The following ACACA variants were observed in gnomAD, a reference collection of about 807,000 sequenced individuals.
The protein encoded by ACACA is acetyl-CoA carboxylase 1.
ACACA carries 103 observed loss-of-function variants against 296.1 expected under a neutral mutation model. The observed-to-expected ratio is 0.35, with a 90% CI of 0.30 to 0.41. The LOEUF (loss-of-function observed/expected upper bound fraction) is 0.41, where lower values mean the gene tolerates loss of function less well. Among genes scored for constraint, ACACA ranks in the 10% least tolerant of loss-of-function variants. The pLI, the probability that ACACA is intolerant of heterozygous loss-of-function variation, is 1.00. For synonymous variants in ACACA, 953 were observed against 1,038.6 expected (o/e 0.92, Z 1.58); for missense variants, 1,554 against 2,989.7 (o/e 0.52, Z 11.20).
At chr17:37,167,270 CT>C (rs11387933) in intron 41 of ACACA, among the ~76,000 whole-genome samples, 27,439 of 105,338 alleles carry the variant, frequency 0.26, 2,723 homozygotes, top group African/African-American at 0.41. Flanking sequence ...ATGGTATTTT[CT>C]TTTTTTTTTT....
chr17:37,257,641 C>A (rs896071875), intron 14 of ACACA, 62 bp downstream of exon 14: 2 of 1,544,906 alleles, frequency 1.3e-6, no homozygotes, highest in Non-Finnish European at 1.8e-6. Context: ...CATGCTCACA[C>A]CTTCACTTAA....
chr17:37,127,862 A>C (rs890983642), intron 47 of ACACA, among the ~76,000 whole-genome samples: 1 of 149,890 alleles, frequency 6.7e-6, no homozygotes, highest in African/African-American at 2.5e-5. Context: ...AAAAAGAAAA[A>C]GAAAAAAAAA....
intron 3 of ACACA, among the ~76,000 whole-genome samples, chr17:37,296,779 C>A (rs1329774179): frequency 1.3e-5 from 2 of 152,092 alleles, no homozygotes; most frequent in East Asian, 3.9e-4. Context: ...TACAGTAGCA[C>A]AATGTCAGGT....
intron 52 of ACACA, among the ~76,000 whole-genome samples, chr17:37,103,722 AACACACACAC>A (rs3049593): frequency 7.5e-4 from 112 of 148,800 alleles, no homozygotes; most frequent in African/African-American, 2.5e-3. Context: ...CAAACACACA[AACACACACAC>A]ACACACACAC....
intron 45 of ACACA, among the ~76,000 whole-genome samples, chr17:37,135,019 G>T (rs1481986816): frequency 1.3e-5 from 2 of 152,086 alleles, no homozygotes; most frequent in African/African-American, 4.8e-5. Flanking sequence ...AAAAGGGAGG[G>T]GGAGAGAAAG....
chr17:37,161,149 G>C (rs1383063104), intron 42 of ACACA, among the ~76,000 whole-genome samples: 1 of 152,228 alleles, frequency 6.6e-6, no homozygotes, highest in African/African-American at 2.4e-5. Context: ...CAAAGAATGA[G>C]AGGGAGTGAC....
chr17:37,323,252 T>C (rs1267981716), intron 3 of ACACA, among the ~76,000 whole-genome samples: 2 of 152,248 alleles, frequency 1.3e-5, no homozygotes, highest in Non-Finnish European at 2.9e-5. Flanking sequence ...GACACATCCC[T>C]GTGGTACATC....
intron 11 of ACACA, among the ~76,000 whole-genome samples, chr17:37,260,249 CATATATATATATATATAT>C (rs1172232844): frequency 3.0e-4 from 9 of 30,500 alleles, no homozygotes; most frequent in Admixed American, 6.4e-4. Flanking sequence ...ACTCCCAAGT[CATATATATATATATATAT>C]ATATATATAT....
rs2072229645 is a variant in ACACA at position 37,086,736 on chromosome 17, T to C, written c.*580A>G. 6.3e-6 allele frequency: 1 copy of C among 157,690 alleles called. No individual in the cohort carries two copies. The highest frequency in any genetic ancestry group is 2.4e-5 in the African/African-American group (1 of 41,536). The allele number at this position is 157,690 out of a possible 1,614,324, so 9.8% of individuals were successfully genotyped here. A position where few individuals can be genotyped will look rare whatever the true frequency, so the allele number is the denominator to read the frequency against. On this transcript the variant is annotated 3_prime_UTR_variant, in exon 56 of 56. Coordinates refer to ENST00000616317, the MANE Select transcript of ACACA (RefSeq NM_198834.3). ...AGTTCCTATGGAGCTTGTAGTAGAT[T>C]TTATGCTCTAATTTTTCTTCATAAA...
intron 50 of ACACA, among the ~76,000 whole-genome samples, chr17:37,119,145 T>A (rs2074396706): frequency 6.6e-6 from 1 of 152,226 alleles, no homozygotes; most frequent in South Asian, 2.1e-4. Flanking sequence ...TGAAATCTAA[T>A]GCTGAATGAA....
At chr17:37,274,108 T>C (rs1006604148) in intron 9 of ACACA, 85 bp downstream of exon 9, 1 of 1,146,214 alleles carries the variant, frequency 8.7e-7, no homozygotes, top group African/African-American at 1.5e-5. Flanking sequence ...CTTGGGTATA[T>C]ATCACGAGCC....
chr17:37,108,980 ATG>A, intron 52 of ACACA, among the ~76,000 whole-genome samples: 1 of 152,198 alleles, frequency 6.6e-6, no homozygotes, highest in East Asian at 1.9e-4. Context: ...CTGGACTCTG[ATG>A]TACATTTATT....
At chr17:37,126,770 C>T (rs143417165) in intron 47 of ACACA, among the ~76,000 whole-genome samples, 5 of 152,304 alleles carry the variant, frequency 3.3e-5, no homozygotes, top group African/African-American at 1.2e-4. Context: ...CATTCCTTGC[C>T]TCTATGGCCC....
chr17:37,156,232 T>G (rs1336538678), intron 42 of ACACA, among the ~76,000 whole-genome samples: 2 of 151,846 alleles, frequency 1.3e-5, no homozygotes, highest in Non-Finnish European at 2.9e-5. Flanking sequence ...CCTGGCTAAT[T>G]TTTTGTATTT....
At chr17:37,094,638 CT>C (rs1237531458) in intron 54 of ACACA, among the ~76,000 whole-genome samples, 1 of 146,266 alleles carries the variant, frequency 6.8e-6, no homozygotes, top group Non-Finnish European at 1.5e-5. Context: ...ACACAGATGG[CT>C]TTTGAACACT....
intron 2 of ACACA, among the ~76,000 whole-genome samples, chr17:37,339,015 G>GAAA (rs2048268126): frequency 2.0e-5 from 3 of 151,916 alleles, no homozygotes; most frequent in Non-Finnish European, 4.4e-5. Flanking sequence ...AAGAAAGAAA[G>GAAA]GGGGAGGGAA....
At chr17:37,212,923 C>G (rs2078815866) in intron 29 of ACACA, among the ~76,000 whole-genome samples, 1 of 148,666 alleles carries the variant, frequency 6.7e-6, no homozygotes, top group African/African-American at 2.5e-5. Flanking sequence ...AAAAAAGCCA[C>G]ACACACAACT....
In ACACA at chr17:37,235,109, A is replaced by G. The variant is rs749103812; in HGVS notation, c.3122-10T>C. The G allele has an allele frequency of 2.5e-6, 4 of 1,613,124 alleles. No homozygotes were observed. The highest frequency in any genetic ancestry group is 1.3e-5 in the African/African-American group (1 of 74,914). On this transcript the variant is annotated splice_polypyrimidine_tract_variant and intron_variant, in intron 24 of 55. Coordinates refer to ENST00000616317, the MANE Select transcript of ACACA (RefSeq NM_198834.3). ...CATTTGTCATAGTGACCTGCACACC[A>G]TGAAAAGAACTGGTTCTCACCCATG...
In ACACA at chr17:37,297,771, G is replaced by A. The variant is rs372413550; in HGVS notation, c.339-12801C>T. Among the ~76,000 whole-genome samples the A allele has an allele frequency of 4.1e-4, 62 of 151,928 alleles. No individual in the cohort carries two copies. The East Asian group carries it at 8.3e-3, about 20-fold the overall frequency. On this transcript the variant is annotated intron_variant, in intron 3 of 55. Coordinates refer to ENST00000616317, the MANE Select transcript of ACACA (RefSeq NM_198834.3). ...TCACCATGTTGGCCAGGCTGGTCTCGTACTCGTGACCTCAGGTGATCCACC... is the reference window on the plus strand; with the variant it reads ...TCACCATGTTGGCCAGGCTGGTCTCATACTCGTGACCTCAGGTGATCCACC...
Sources: gnomAD v4.1 joint callset for allele counts (sites outside exome capture counted in the v4.1 genomes callset) on GRCh38, gnomAD v4.1.1 for gene constraint, MANE v1.5 for transcripts, NCBI Gene and HGNC (gene_info 2026-07-23, HGNC 2026-07-21) for gene names.